Variants in CACNA2D2 observed in about 807,000 individuals in gnomAD.
The protein encoded by CACNA2D2 is voltage-dependent calcium channel subunit alpha-2/delta-2.
A neutral mutation model predicts 166.4 loss-of-function variants in CACNA2D2; 48 were observed. The ratio of observed to expected loss-of-function variants is 0.29; its 90% CI spans 0.23 to 0.37. The LOEUF (loss-of-function observed/expected upper bound fraction) is 0.37. Among genes scored for constraint, CACNA2D2 ranks in the 10% least tolerant of loss-of-function variants. The pLI, the probability that CACNA2D2 is intolerant of heterozygous loss-of-function variation, is 1.00. For missense variants in CACNA2D2, 1,122 were observed against 1,433.0 expected, an observed-to-expected ratio of 0.78 and a Z score of 3.50; for synonymous variants, 561 against 573.7, an observed-to-expected ratio of 0.98 and a Z score of 0.32.
At position 50,387,558 on chromosome 3, in the gene CACNA2D2, G is replaced by C; in HGVS notation, c.510+10C>G. The C allele has an allele frequency of 6.2e-7, 1 of 1,612,746 alleles. No homozygotes were observed. Among genetic ancestry groups the C allele is most frequent in the South Asian group, 1.1e-5 (1 of 91,060 alleles). On this transcript the variant is annotated intron_variant, in intron 5 of 37. Coordinates refer to ENST00000424201, the MANE Select transcript of CACNA2D2 (RefSeq NM_006030.4). ...CAGCAAGGAGGTGTGGCTCAGGAGG[G>C]GGTGCTCACCAGCTCAGCGTCAGCC... is the stretch of plus-strand genomic sequence containing the variant.
chr3:50,398,840 C>T (rs912730298), intron 3 of CACNA2D2, among the ~76,000 whole-genome samples: 1 of 152,224 alleles, frequency 6.6e-6, no homozygotes, highest in Non-Finnish European at 1.5e-5. Flanking sequence ...CAATCAATTT[C>T]CCTCAGCTCT....
chr3:50,364,676 C>G lies in CACNA2D2; in HGVS notation c.3422G>C (p.Arg1141Pro). The G allele has an allele frequency of 6.5e-7, 1 of 1,529,204 alleles. No individual in the cohort carries two copies. The highest frequency in any genetic ancestry group is 8.8e-7 in the Non-Finnish European group (1 of 1,136,328). The allele number at this position is 1,529,204 out of a possible 1,614,324, so 94.7% of individuals were successfully genotyped here. Reference sequence around the variant, plus strand: ...GGTGGGGCAGGGTGCTCAGAGGCGGCGAGAGGCGTGGACGAGGACTTGAGG... The same window carrying G: ...GGTGGGGCAGGGTGCTCAGAGGCGGGGAGAGGCGTGGACGAGGACTTGAGG... ...PQPQVLVHAS[R>P]RL Residue 1141 changes from arginine to proline, a missense_variant, in exon 38 of 38, where the codon CGC (arginine) becomes CCC (proline). Physicochemically the swap from Arg to Pro is moderately radical, Grantham distance 103 (BLOSUM62 -2). Coordinates refer to ENST00000424201, the MANE Select transcript of CACNA2D2 (RefSeq NM_006030.4).
At chr3:50,424,762 G>A (rs905380908) in intron 3 of CACNA2D2, among the ~76,000 whole-genome samples, 2 of 152,174 alleles carry the variant, frequency 1.3e-5, no homozygotes, top group African/African-American at 2.4e-5. Context: ...CAGTATCCCA[G>A]GACAGGAGGA....
At chr3:50,456,067 T>C (rs1336904236) in intron 2 of CACNA2D2, among the ~76,000 whole-genome samples, 2 of 152,190 alleles carry the variant, frequency 1.3e-5, no homozygotes, top group East Asian at 3.9e-4. Flanking sequence ...CATGTGTCCT[T>C]TAAACCTTGT....
Position 50,373,025 on chromosome 3 carries a change from G to A in CACNA2D2, c.1984+1712C>T, listed in dbSNP as rs755965785. 1.4e-5 allele frequency: 21 copies of A among 1,522,864 alleles called. 1 individual carries two copies. The Admixed American group carries it at 2.2e-4, about 16-fold the overall frequency. The allele number at this position is 1,522,864 out of a possible 1,614,324, so 94.3% of individuals were successfully genotyped here. A position where few individuals can be genotyped will look rare whatever the true frequency, so the allele number is the denominator to read the frequency against. ...CAAGCAGGGGCGTGAGGATGGGAGG[G>A]GTGGGAAGAGGAGGGTGCACTGGTT... On this transcript the variant is annotated intron_variant, in intron 22 of 37. Transcript: ENST00000424201.
Position 50,374,765 on chromosome 3 carries a change from A to G in CACNA2D2, c.1956T>C (p.Asn652=), listed in dbSNP as rs759629773. ...PPYSTFYLQA[N]LSDQILQVKY... is the part of the protein sequence containing the mutation. ...TGACCTGCAGGATCTGGTCACTGAG[A>G]TTGGCTTGGAGGTAGAAGGTGCTGT... Residue 652 remains asparagine, a synonymous_variant, in exon 22 of 38, where the codon AAT becomes AAC. Coordinates refer to ENST00000424201, the MANE Select transcript of CACNA2D2 (RefSeq NM_006030.4). 1 of 1,598,662 alleles carries G rather than the reference A, an allele frequency of 6.3e-7. No homozygotes were observed. The highest frequency in any genetic ancestry group is 8.5e-7 in the Non-Finnish European group (1 of 1,173,374).
rs1332912009 is a variant in CACNA2D2, at chr3:50,370,680, C to T, written c.1985-300G>A. 3.3e-5 allele frequency among the ~76,000 whole-genome samples: 5 copies of T among 151,950 alleles called. No homozygotes were observed. The East Asian group carries it at 5.8e-4, about 18-fold the overall frequency. On this transcript the variant is annotated intron_variant, in intron 22 of 37. Transcript: ENST00000424201. ...TGGCGTGGCTGTATATGCTTCCATA[C>T]GGCTGTATAGCACATATACACGGAC...
intron 1 of CACNA2D2, among the ~76,000 whole-genome samples, chr3:50,484,230 T>C (rs1201632348): frequency 6.6e-6 from 1 of 152,108 alleles, no homozygotes; most frequent in Non-Finnish European, 1.5e-5. Context: ...GGTTCCACCT[T>C]TGCAATAGGC....
intron 2 of CACNA2D2, among the ~76,000 whole-genome samples, chr3:50,464,140 C>T (rs1207063589): frequency 1.3e-5 from 2 of 152,228 alleles, no homozygotes; most frequent in Non-Finnish European, 2.9e-5. Flanking sequence ...CCCCCAGCGA[C>T]CCAAGAACCT....
Position 50,379,224 on chromosome 3 carries a change from G to A in CACNA2D2, c.1153-25C>T, listed in dbSNP as rs1705169109. On this transcript the variant is annotated intron_variant, in intron 11 of 37. Coordinates refer to ENST00000424201, the MANE Select transcript of CACNA2D2 (RefSeq NM_006030.4). The surrounding 1 kb of genome is among the most constrained non-coding windows in gnomAD (Gnocchi z 6.5). ...ACTGAGGGGAGTGAGGCGGAGGCAG[G>A]CAGCTCTCAGCCCTCCCTGGTCCAG... is the stretch of plus-strand genomic sequence containing the variant. 5 of 1,584,992 alleles carry A rather than the reference G, an allele frequency of 3.2e-6. No individual in the cohort carries two copies. Among genetic ancestry groups the A allele is most frequent in the Non-Finnish European group, 4.3e-6 (5 of 1,153,784 alleles).
chr3:50,365,882 G>A lies in CACNA2D2; in HGVS notation c.2863-20C>T, dbSNP rs756748615. Reference sequence around the variant, plus strand: ...GGTGGGCTGCAGTGGAGAGAGGGGCGTGGACTGCCACTGCTGCCCCTCGCC... The same window carrying A: ...GGTGGGCTGCAGTGGAGAGAGGGGCATGGACTGCCACTGCTGCCCCTCGCC... On this transcript the variant is annotated intron_variant, in intron 32 of 37. Coordinates refer to ENST00000424201, the MANE Select transcript of CACNA2D2 (RefSeq NM_006030.4). This position sits in a 1 kb window ranked among gnomAD's most constrained non-coding sequence, Gnocchi z 4.5. 15 of 1,612,748 alleles carry A rather than the reference G, an allele frequency of 9.3e-6. No individual in the cohort carries two copies. The South Asian group carries it at 1.1e-4, about 12-fold the overall frequency.
chr3:50,463,143 T>G (rs1403405201), intron 2 of CACNA2D2, among the ~76,000 whole-genome samples: 8 of 152,140 alleles, frequency 5.3e-5, no homozygotes, highest in African/African-American at 1.4e-4. Context: ...AAACACTGAA[T>G]TGGTATTGGT....
chr3:50,460,303 T>C (rs1709534263), intron 2 of CACNA2D2, among the ~76,000 whole-genome samples: 1 of 152,188 alleles, frequency 6.6e-6, no homozygotes, highest in Non-Finnish European at 1.5e-5. Flanking sequence ...AATGTTGATG[T>C]CTTAGTTTTG....
At chr3:50,390,765 C>T (rs959578591) in intron 4 of CACNA2D2, among the ~76,000 whole-genome samples, 1 of 152,158 alleles carries the variant, frequency 6.6e-6, no homozygotes, top group Non-Finnish European at 1.5e-5. Flanking sequence ...GAGCCAAGCC[C>T]AAGAGAGGTG....
At chr3:50,408,824 G>C (rs1291322969) in intron 3 of CACNA2D2, among the ~76,000 whole-genome samples, 2 of 152,242 alleles carry the variant, frequency 1.3e-5, no homozygotes, top group Admixed American at 1.3e-4. Context: ...CAGATGCCTA[G>C]CAACGGCCAC....
At chr3:50,492,166 C>T (rs1035168848) in intron 1 of CACNA2D2, among the ~76,000 whole-genome samples, 1 of 152,260 alleles carries the variant, frequency 6.6e-6, no homozygotes, top group Non-Finnish European at 1.5e-5. Context: ...CTGGGCCTTC[C>T]CCACGGCCAT....
intron 3 of CACNA2D2, among the ~76,000 whole-genome samples, chr3:50,414,784 T>G (rs1707191001): frequency 6.6e-6 from 1 of 152,226 alleles, no homozygotes; most frequent in South Asian, 2.1e-4. Flanking sequence ...ATTTTTCTCC[T>G]CATTCAATTC....
At chr3:50,499,442 C>T (rs1227386025) in intron 1 of CACNA2D2, among the ~76,000 whole-genome samples, 6 of 152,230 alleles carry the variant, frequency 3.9e-5, no homozygotes, top group Non-Finnish European at 8.8e-5. Context: ...CTAGAGGCGG[C>T]ATCCTCTCCC....
At chr3:50,383,621 A>G (rs1705440594) in intron 6 of CACNA2D2, among the ~76,000 whole-genome samples, 1 of 151,958 alleles carries the variant, frequency 6.6e-6, no homozygotes. Context: ...TGGACTGTCA[A>G]CCACCCTCTT....
Sources: allele counts gnomAD v4.1 joint callset (sites outside exome capture counted in the v4.1 genomes callset), GRCh38; gene constraint gnomAD v4.1.1; non-coding constraint Gnocchi (gnomAD v3.1); transcripts MANE v1.5; gene names NCBI Gene and HGNC (gene_info 2026-07-23, HGNC 2026-07-21).